Variants in CD99L2 observed in about 807,000 individuals in gnomAD.
CD99L2 encodes CD99 molecule like 2, also known as CD99 antigen-like protein 2.
A neutral mutation model predicts 27.3 loss-of-function variants in CD99L2; 24 were observed. The observed-to-expected ratio is 0.88, with a 90% CI of 0.64 to 1.24. CD99L2 has a LOEUF of 1.24. Among genes scored for constraint, CD99L2 ranks in the 50% most tolerant of loss-of-function variants. CD99L2 has a pLI of 0.00. For synonymous variants in CD99L2, 97 were observed against 87.9 expected, an observed-to-expected ratio of 1.10 and a Z score of -0.58; for missense variants, 255 against 221.6, an observed-to-expected ratio of 1.15 and a Z score of -0.96.
At chrX:150,839,605 T>A (rs2046590812) in intron 1 of CD99L2, among the ~76,000 whole-genome samples, 1 of 111,648 alleles carries the variant, frequency 9.0e-6, no homozygotes, top group Non-Finnish European at 1.9e-5. Context: ...CAGTAGCTCA[T>A]GCCTGTAATC....
At chrX:150,789,521 T>C (rs187096022) in intron 7 of CD99L2, among the ~76,000 whole-genome samples, 14 of 112,126 alleles carry the variant, frequency 1.2e-4, no homozygotes, top group East Asian at 8.4e-4. Flanking sequence ...CTTTTCTTCA[T>C]AGTGTTGTTC....
At position 150,793,740 on chromosome X, in the gene CD99L2, A is replaced by G; in HGVS notation, c.447T>C (p.Asp149=). 1 of 1,193,671 alleles carries G rather than the reference A, an allele frequency of 8.4e-7. No homozygotes were observed. Among genetic ancestry groups the G allele is most frequent in the Non-Finnish European group, 1.1e-6 (1 of 886,934 alleles). The stretch of plus-strand genomic sequence containing the variant: ...CTCCACCCCCTACTATGTCTTCAAG[A>G]TCCTTGTCTGAAAAACCTGGAGAAA... ...IAGGGGFSDK[D]LEDIVGGGEY... The change falls in exon 7 of 11, where the codon GAT becomes GAC. Residue 149 remains aspartate, a synonymous_variant. Coordinates refer to ENST00000370377, the MANE Select transcript of CD99L2 (RefSeq NM_031462.4).
At position 150,821,829 on chromosome X, in the gene CD99L2, C is replaced by G. The variant is rs188149130; in HGVS notation, c.131-5751G>C. Among the ~76,000 whole-genome samples, 181 of 111,404 alleles carry G rather than the reference C, an allele frequency of 1.6e-3. 1 individual carries two copies. The highest frequency in any genetic ancestry group is 5.3e-3 in the African/African-American group (162 of 30,724). Reference sequence around the variant, plus strand: ...AATGAAAACCACAGTGAGGTCCCACCTCACAGACACTAGGATGGCTTTCAT... The same window carrying G: ...AATGAAAACCACAGTGAGGTCCCACGTCACAGACACTAGGATGGCTTTCAT... On this transcript the variant is annotated intron_variant, in intron 2 of 10. Transcript: ENST00000370377.
intron 2 of CD99L2, among the ~76,000 whole-genome samples, chrX:150,819,433 A>C (rs782160107): frequency 8.9e-6 from 1 of 111,931 alleles, no homozygotes; most frequent in Non-Finnish European, 1.9e-5. Flanking sequence ...ATTATTATAA[A>C]ATAAAACCTA....
intron 1 of CD99L2, among the ~76,000 whole-genome samples, chrX:150,888,190 A>G (rs1277628420): frequency 1.8e-5 from 2 of 111,879 alleles, no homozygotes; most frequent in African/African-American, 6.5e-5. Flanking sequence ...CATATATCCC[A>G]AAGAACTGAA....
chrX:150,818,528 C>CAAA (rs140829362), intron 2 of CD99L2, among the ~76,000 whole-genome samples: 4 of 108,020 alleles, frequency 3.7e-5, no homozygotes, highest in Non-Finnish European at 7.7e-5. Context: ...ACCAATAGGT[C>CAAA]AAAAAAAACC....
At chrX:150,787,350 G>T (rs2045609894) in intron 7 of CD99L2, among the ~76,000 whole-genome samples, 1 of 111,598 alleles carries the variant, frequency 9.0e-6, no homozygotes, top group African/African-American at 3.3e-5. Flanking sequence ...GGTTTTCATA[G>T]ATTTGGGTTT....
intron 1 of CD99L2, among the ~76,000 whole-genome samples, chrX:150,893,249 C>T (rs1203922014): frequency 8.9e-6 from 1 of 111,814 alleles, no homozygotes; most frequent in Non-Finnish European, 1.9e-5. Context: ...TTCTGTCAGA[C>T]GAGCGCAGCA....
At chrX:150,799,342 A>T (rs1167152467) in intron 4 of CD99L2, among the ~76,000 whole-genome samples, 2 of 108,020 alleles carry the variant, frequency 1.9e-5, no homozygotes, top group African/African-American at 6.7e-5. Context: ...TACCAAAAAA[A>T]AAAAAACAAC....
At chrX:150,814,128 A>G (rs1006910044) in intron 4 of CD99L2, among the ~76,000 whole-genome samples, 12 of 112,287 alleles carry the variant, frequency 1.1e-4, no homozygotes, top group African/African-American at 3.9e-4. Flanking sequence ...ATATTTTCCA[A>G]ATGACCAACA....
chrX:150,825,917 T>C (rs782141914), intron 2 of CD99L2, among the ~76,000 whole-genome samples: 1 of 111,999 alleles, frequency 8.9e-6, no homozygotes, highest in Non-Finnish European at 1.9e-5. Context: ...TGTGGCTTAA[T>C]AATGGTAACT....
Position 150,769,749 on chromosome X carries a change from G to A in CD99L2, c.721+555C>T, listed in dbSNP as rs371931400. ...GGACCTCCTCATTGGCATCCCGTGG[G>A]CACAGGTCATATCTGCCTCGAGCAG... is the stretch of plus-strand genomic sequence containing the variant. On this transcript the variant is annotated intron_variant, in intron 10 of 10. Coordinates refer to ENST00000370377, the MANE Select transcript of CD99L2 (RefSeq NM_031462.4). 3.7e-5 allele frequency among the ~76,000 whole-genome samples: 4 copies of A among 106,984 alleles called. No individual in the cohort carries two copies. In the East Asian group the frequency reaches 1.7e-3, roughly 45 times the overall value. The allele number at this position is 106,984 out of a possible 115,157, so 92.9% of individuals were successfully genotyped here.
At chrX:150,872,256 C>T (rs1211680754) in intron 1 of CD99L2, among the ~76,000 whole-genome samples, 1 of 110,101 alleles carries the variant, frequency 9.1e-6, no homozygotes, top group Non-Finnish European at 1.9e-5. Context: ...AAAAAACACT[C>T]ATAAACAGAT....
chrX:150,795,098 G>T, intron 6 of CD99L2, 108 bp downstream of exon 6: 1 of 873,503 alleles, frequency 1.1e-6, no homozygotes, highest in Non-Finnish European at 1.7e-6. Flanking sequence ...CACCATTATA[G>T]GGTTCTCCAG....
intron 1 of CD99L2, among the ~76,000 whole-genome samples, chrX:150,843,682 T>C: frequency 9.1e-6 from 1 of 110,073 alleles, no homozygotes; most frequent in Admixed American, 9.8e-5. Flanking sequence ...AAATAAATAA[T>C]AAAATCCTGA....
intron 4 of CD99L2, among the ~76,000 whole-genome samples, chrX:150,796,481 T>C (rs899738293): frequency 2.7e-5 from 3 of 112,387 alleles, no homozygotes; most frequent in Non-Finnish European, 3.8e-5. Context: ...CACCTAACAA[T>C]AGAGTGTCTA....
At chrX:150,802,498 G>A (rs1315535668) in intron 4 of CD99L2, among the ~76,000 whole-genome samples, 1 of 107,619 alleles carries the variant, frequency 9.3e-6, no homozygotes, top group Non-Finnish European at 1.9e-5. Flanking sequence ...TCAGGGAGGT[G>A]GAGGCTGCAG....
intron 1 of CD99L2, among the ~76,000 whole-genome samples, chrX:150,864,935 G>A (rs782411418): frequency 4.5e-5 from 5 of 110,321 alleles, no homozygotes; most frequent in African/African-American, 9.9e-5. Context: ...ATGTGGTGGT[G>A]CACACCTGTG....
chrX:150,770,716 G>A (rs1557419019), intron 9 of CD99L2, among the ~76,000 whole-genome samples: 1 of 113,129 alleles, frequency 8.8e-6, no homozygotes, highest in African/African-American at 3.2e-5. Flanking sequence ...CCATCCACAG[G>A]TCCGTGTGCG....
Sources: gnomAD v4.1 joint callset for allele counts (sites outside exome capture counted in the v4.1 genomes callset) on GRCh38, gnomAD v4.1.1 for gene constraint, MANE v1.5 for transcripts, NCBI Gene and HGNC (gene_info 2026-07-23, HGNC 2026-07-21) for gene names.